SORCS3: variants seen among roughly 807,000 people sequenced by gnomAD.
SORCS3 encodes the protein sortilin related VPS10 domain containing receptor 3.
A neutral mutation model predicts 146.3 loss-of-function variants in SORCS3; 57 were observed. The observed-to-expected ratio is 0.39, with a 90% CI of 0.31 to 0.49. The LOEUF is 0.49. Ranked by LOEUF, SORCS3 falls within the 20% of genes least tolerant of loss-of-function variation. The pLI, the probability that SORCS3 is intolerant of heterozygous loss-of-function variation, is 0.92. For missense variants in SORCS3, 1,341 were observed against 1,575.5 expected, an observed-to-expected ratio of 0.85 and a Z score of 2.52; for synonymous variants, 653 against 618.5, an observed-to-expected ratio of 1.06 and a Z score of -0.83.
At chr10:104,891,333 G>A (rs1014780540) in intron 2 of SORCS3, among the ~76,000 whole-genome samples, 2 of 152,204 alleles carry the variant, frequency 1.3e-5, no homozygotes, top group South Asian at 2.1e-4. Context: ...ATACTCAGCT[G>A]AAGACTTAGT....
At chr10:105,051,849 A>G (rs2055415475) in intron 5 of SORCS3, among the ~76,000 whole-genome samples, 1 of 152,194 alleles carries the variant, frequency 6.6e-6, no homozygotes, top group Admixed American at 6.5e-5. Flanking sequence ...ATTTAAAAAT[A>G]CATTACATTT....
Position 104,723,912 on chromosome 10 carries a change from G to T in SORCS3, c.627+81958G>T, listed in dbSNP as rs867144584. Among the ~76,000 whole-genome samples, 47 of 152,234 alleles carry T rather than the reference G, an allele frequency of 3.1e-4. No individual in the cohort carries two copies. The South Asian group carries it at 3.9e-3, about 13-fold the overall frequency. On this transcript the variant is annotated intron_variant, in intron 1 of 26. Coordinates refer to ENST00000369701, the MANE Select transcript of SORCS3 (RefSeq NM_014978.3). ...TTTCCTGAATACAGCACACTGATGGGTCTTGACTCTTTATCCAGTTTGCCA... is the reference window on the plus strand; with the variant it reads ...TTTCCTGAATACAGCACACTGATGGTTCTTGACTCTTTATCCAGTTTGCCA...
At chr10:105,245,507 C>G (rs528444213) in intron 20 of SORCS3, 35 bp from the exon 21 acceptor site, 1 of 1,611,822 alleles carries the variant, frequency 6.2e-7, no homozygotes. Flanking sequence ...ATATCCCACA[C>G]AAGACTGAAT....
chr10:104,657,670 A>G (rs1372701962), intron 1 of SORCS3, among the ~76,000 whole-genome samples: 1 of 152,170 alleles, frequency 6.6e-6, no homozygotes, highest in African/African-American at 2.4e-5. Context: ...ATTCCAGCAG[A>G]GCCTGAGAGC....
chr10:104,983,943 A>G (rs1255134848), intron 4 of SORCS3, among the ~76,000 whole-genome samples: 1 of 152,110 alleles, frequency 6.6e-6, no homozygotes, highest in African/African-American at 2.4e-5. Context: ...AAAAGCATAC[A>G]TCTCATGAGT....
chr10:104,861,600 G>A (rs2018403877), intron 2 of SORCS3, among the ~76,000 whole-genome samples: 1 of 152,078 alleles, frequency 6.6e-6, no homozygotes, highest in African/African-American at 2.4e-5. Flanking sequence ...CACCTCCCCC[G>A]AGCCTACTTC....
chr10:104,924,157 C>T (rs1395614229), intron 3 of SORCS3, among the ~76,000 whole-genome samples: 1 of 152,158 alleles, frequency 6.6e-6, no homozygotes, highest in Non-Finnish European at 1.5e-5. Flanking sequence ...AGACTCACTG[C>T]ATATTGGAGC....
intron 1 of SORCS3, among the ~76,000 whole-genome samples, chr10:104,763,166 G>A (rs934724765): frequency 6.6e-6 from 1 of 152,154 alleles, no homozygotes; most frequent in Admixed American, 6.5e-5. Flanking sequence ...GAAACTCAGG[G>A]TGGGAGATTA....
intron 1 of SORCS3, among the ~76,000 whole-genome samples, chr10:104,839,893 G>A (rs948432739): frequency 6.6e-6 from 1 of 152,158 alleles, no homozygotes; most frequent in African/African-American, 2.4e-5. Context: ...AAGGAGATGG[G>A]TAAGGAAGGA....
At chr10:104,711,963 A>G (rs982758475) in intron 1 of SORCS3, among the ~76,000 whole-genome samples, 3 of 152,110 alleles carry the variant, frequency 2.0e-5, no homozygotes, top group African/African-American at 7.2e-5. Context: ...ATCTCTCATG[A>G]TGTTTCTATG....
intron 5 of SORCS3, among the ~76,000 whole-genome samples, chr10:105,075,975 G>T (rs1175923436): frequency 6.6e-6 from 1 of 152,156 alleles, no homozygotes; most frequent in Non-Finnish European, 1.5e-5. Context: ...GTTTTTATTA[G>T]TCACTTTCTA....
intron 14 of SORCS3, among the ~76,000 whole-genome samples, chr10:105,179,067 A>G (rs17118715): frequency 0.012 from 1,802 of 152,292 alleles, 10 homozygotes; most frequent in East Asian, 0.02. Flanking sequence ...AGAAAGGCCA[A>G]TCTAGGAGCC....
intron 1 of SORCS3, among the ~76,000 whole-genome samples, chr10:104,784,189 A>G (rs1265410080): frequency 1.3e-5 from 2 of 152,170 alleles, no homozygotes; most frequent in Admixed American, 6.5e-5. Context: ...GAAACTCTAG[A>G]GCAGTGGTTC....
chr10:104,705,041 C>A (rs575497461), intron 1 of SORCS3, among the ~76,000 whole-genome samples: 3 of 152,240 alleles, frequency 2.0e-5, no homozygotes, highest in South Asian at 4.2e-4. Flanking sequence ...TCTATTATAG[C>A]CCATGTCTCA....
At chr10:105,016,153 A>ATTTTTTTTTTTTTT (rs1242064422) in intron 4 of SORCS3, among the ~76,000 whole-genome samples, 2 of 101,440 alleles carry the variant, frequency 2.0e-5, no homozygotes, top group South Asian at 3.2e-4. Flanking sequence ...ATATATATAT[A>ATTTTTTTTTTTTTT]TATTTTTTTT....
intron 1 of SORCS3, among the ~76,000 whole-genome samples, chr10:104,653,624 T>A (rs927102488): frequency 2.0e-5 from 3 of 152,198 alleles, no homozygotes; most frequent in Non-Finnish European, 4.4e-5. Context: ...GGTCACCCAG[T>A]GCTTGGGAGA....
intron 2 of SORCS3, among the ~76,000 whole-genome samples, chr10:104,902,475 G>T (rs2018861897): frequency 6.6e-6 from 1 of 152,216 alleles, no homozygotes; most frequent in African/African-American, 2.4e-5. Context: ...TGCATGGATT[G>T]ACCATGAAAA....
intron 1 of SORCS3, among the ~76,000 whole-genome samples, chr10:104,730,465 C>G (rs917915281): frequency 2.0e-5 from 3 of 152,144 alleles, no homozygotes; most frequent in African/African-American, 7.2e-5. Context: ...GGGTTGATTC[C>G]TAGGAGCTGT....
intron 4 of SORCS3, among the ~76,000 whole-genome samples, chr10:104,997,427 G>C (rs1291902811): frequency 6.6e-6 from 1 of 151,976 alleles, no homozygotes; most frequent in Admixed American, 6.6e-5. Flanking sequence ...CTTTTGTTTT[G>C]AGACTTAACA....
Sources: gnomAD v4.1 joint callset for allele counts (sites outside exome capture counted in the v4.1 genomes callset) on GRCh38, gnomAD v4.1.1 for gene constraint, MANE v1.5 for transcripts, NCBI Gene and HGNC (gene_info 2026-07-23, HGNC 2026-07-21) for gene names.